CCNB3: variants seen among roughly 807,000 people sequenced by gnomAD.
CCNB3 encodes the protein G2/mitotic-specific cyclin-B3.
A neutral mutation model predicts 68.0 loss-of-function variants in CCNB3; 12 were observed. The observed-to-expected ratio is 0.18, with a 90% CI of 0.11 to 0.29. CCNB3 has a LOEUF of 0.29. Among genes scored for constraint, CCNB3 ranks in the 10% least tolerant of loss-of-function variants. The pLI is 1.00. For missense variants in CCNB3, 904 were observed against 993.1 expected (o/e 0.91, Z 1.21); for synonymous variants, 354 against 388.9 (o/e 0.91, Z 1.06).
intron 5 of CCNB3, among the ~76,000 whole-genome samples, chrX:50,299,810 A>G (rs1041402593): frequency 9.0e-6 from 1 of 111,341 alleles, no homozygotes; most frequent in African/African-American, 3.3e-5. Context: ...TATGAATCTG[A>G]GTCCTCCTGT....
chrX:50,327,892 T>A (rs1263738784), intron 8 of CCNB3, among the ~76,000 whole-genome samples: 2 of 111,551 alleles, frequency 1.8e-5, no homozygotes, highest in Non-Finnish European at 3.8e-5. Context: ...TATGCAATTA[T>A]CCTCGATTAC....
intron 1 of CCNB3, among the ~76,000 whole-genome samples, chrX:50,227,326 A>G (rs1181674993): frequency 8.2e-5 from 7 of 85,182 alleles, no homozygotes; most frequent in African/African-American, 3.1e-4. Flanking sequence ...CAGAATATAT[A>G]TAAATATACA....
intron 5 of CCNB3, among the ~76,000 whole-genome samples, chrX:50,306,887 T>C (rs1166135002): frequency 8.9e-6 from 1 of 111,852 alleles, no homozygotes. Flanking sequence ...TGGCTGAGGA[T>C]TTTTGCATCT....
chrX:50,212,055 T>C (rs1935491301), intron 1 of CCNB3, among the ~76,000 whole-genome samples: 1 of 111,804 alleles, frequency 8.9e-6, no homozygotes, highest in Non-Finnish European at 1.9e-5. Flanking sequence ...GTGAACTCAA[T>C]CATATGTGTC....
At chrX:50,343,949 A>G (rs1923266969) in intron 9 of CCNB3, among the ~76,000 whole-genome samples, 1 of 111,884 alleles carries the variant, frequency 8.9e-6, no homozygotes. Flanking sequence ...AGTGTACAGG[A>G]ATGTCCCAGG....
chrX:50,279,838 C>G (rs1343884915), intron 1 of CCNB3, among the ~76,000 whole-genome samples: 4 of 82,295 alleles, frequency 4.9e-5, no homozygotes, highest in Non-Finnish European at 8.8e-5. Flanking sequence ...AATACATATA[C>G]TTTATAAATA....
chrX:50,298,006 G>A (rs1175321422), intron 5 of CCNB3, among the ~76,000 whole-genome samples: 2 of 111,756 alleles, frequency 1.8e-5, no homozygotes, highest in Non-Finnish European at 3.8e-5. Flanking sequence ...TGCTGAAGTT[G>A]CTTATTAGCT....
intron 1 of CCNB3, among the ~76,000 whole-genome samples, chrX:50,217,658 T>C (rs949299095): frequency 3.4e-3 from 382 of 111,778 alleles, no homozygotes; most frequent in African/African-American, 0.012. Context: ...TGGAAAATAT[T>C]GTGTCATCTT....
intron 1 of CCNB3, among the ~76,000 whole-genome samples, chrX:50,226,460 A>G (rs1432080851): frequency 1.4e-4 from 10 of 70,955 alleles, no homozygotes; most frequent in African/African-American, 6.1e-4. Flanking sequence ...ATATATAAAT[A>G]TATATAGAAT....
intron 7 of CCNB3, among the ~76,000 whole-genome samples, chrX:50,312,994 A>G (rs1247927496): frequency 9.0e-6 from 1 of 110,805 alleles, no homozygotes; most frequent in Non-Finnish European, 1.9e-5. Context: ...TAGACACAAA[A>G]ATGGTCAAGT....
chrX:50,292,551 C>G (rs782792979), intron 4 of CCNB3, among the ~76,000 whole-genome samples: 2 of 110,953 alleles, frequency 1.8e-5, no homozygotes, highest in Admixed American at 1.9e-4. Context: ...ATCACCTGTT[C>G]AAGATGTTGC....
chrX:50,342,900 G>A (rs1557219825), intron 9 of CCNB3, among the ~76,000 whole-genome samples: 1 of 110,226 alleles, frequency 9.1e-6, no homozygotes, highest in Non-Finnish European at 1.9e-5. Flanking sequence ...TGTAGGGGTG[G>A]GGTCTCATGT....
At chrX:50,339,469 CT>C (rs1923018964) in intron 8 of CCNB3, among the ~76,000 whole-genome samples, 1 of 112,192 alleles carries the variant, frequency 8.9e-6, no homozygotes, top group Non-Finnish European at 1.9e-5. Context: ...CTCACCTTGA[CT>C]TTTCTCTTTA....
At chrX:50,350,547 G>A (rs1198020651) in intron 11 of CCNB3, among the ~76,000 whole-genome samples, 6 of 111,837 alleles carry the variant, frequency 5.4e-5, no homozygotes, top group Non-Finnish European at 9.4e-5. Flanking sequence ...TTAAGTTCAT[G>A]TTGGCTGTGG....
At chrX:50,331,386 C>T (rs1336213223) in intron 8 of CCNB3, among the ~76,000 whole-genome samples, 3 of 111,963 alleles carry the variant, frequency 2.7e-5, no homozygotes, top group Non-Finnish European at 5.6e-5. Flanking sequence ...ATTTGAACTC[C>T]ACCAAGTGAC....
intron 1 of CCNB3, among the ~76,000 whole-genome samples, chrX:50,228,038 A>G (rs1226338295): frequency 2.3e-5 from 2 of 88,169 alleles, no homozygotes; most frequent in Non-Finnish European, 4.2e-5. Context: ...ATATATAGAG[A>G]GAATATATAT....
chrX:50,213,838 G>A (rs1414686206), intron 1 of CCNB3, among the ~76,000 whole-genome samples: 1 of 111,074 alleles, frequency 9.0e-6, no homozygotes, highest in Non-Finnish European at 1.9e-5. Flanking sequence ...AGTAGGGTCT[G>A]TAGCATAATC....
chrX:50,311,570 G>GTT lies in CCNB3; in HGVS notation c.3327+86_3327+87dup, dbSNP rs372148761. On this transcript the variant is annotated intron_variant, in intron 6 of 12. Coordinates refer to ENST00000376042, the MANE Select transcript of CCNB3 (RefSeq NM_033031.3). ...CCTGGAGGTGGCTGCTAGCAAAGTT[G>GTT]TTTTTTTTTTTTTGTTTTTGTTTTT... The GTT allele has an allele frequency of 2.2e-3, 1,310 of 594,806 alleles. 3 individuals carry two copies. The highest frequency in any genetic ancestry group is 0.018 in the African/African-American group (674 of 37,953). The allele number at this position is 594,806 out of a possible 1,213,427, so 49.0% of individuals were successfully genotyped here.
chrX:50,298,431 C>T (rs201330152), intron 5 of CCNB3, among the ~76,000 whole-genome samples: 2 of 111,204 alleles, frequency 1.8e-5, no homozygotes, highest in South Asian at 3.8e-4. Flanking sequence ...TGCTGGATTA[C>T]GTTTATTGAT....
Sources: allele counts gnomAD v4.1 joint callset (sites outside exome capture counted in the v4.1 genomes callset), GRCh38; gene constraint gnomAD v4.1.1; transcripts MANE v1.5; gene names NCBI Gene and HGNC (gene_info 2026-07-23, HGNC 2026-07-21).